Variants in CSMD2 observed in about 807,000 individuals in gnomAD.
The protein encoded by CSMD2 is CUB and sushi domain-containing protein 2.
A neutral mutation model predicts 398.5 loss-of-function variants in CSMD2; 130 were observed. That is an observed-to-expected ratio of 0.33 (90% CI 0.28 to 0.38). The LOEUF is 0.38. CSMD2 is among the 10% of genes least tolerant of loss of function. CSMD2 has a pLI of 1.00. For synonymous variants in CSMD2, 1,828 were observed against 1,908.5 expected, an observed-to-expected ratio of 0.96 and a Z score of 1.10; for missense variants, 3,829 against 4,764.9, an observed-to-expected ratio of 0.80 and a Z score of 5.78.
At chr1:33,779,503 C>T (rs1165455159) in intron 12 of CSMD2, among the ~76,000 whole-genome samples, 1 of 152,192 alleles carries the variant, frequency 6.6e-6, no homozygotes, top group African/African-American at 2.4e-5. Context: ...CAGTGACTAA[C>T]CATATTTCCT....
intron 2 of CSMD2, among the ~76,000 whole-genome samples, chr1:34,072,863 C>T (rs904525587): frequency 3.9e-5 from 6 of 152,102 alleles, no homozygotes; most frequent in Admixed American, 2.6e-4. Flanking sequence ...CATGGCTGCC[C>T]CATGGGGTCA....
intron 1 of CSMD2, among the ~76,000 whole-genome samples, chr1:34,089,503 G>A (rs1658308697): frequency 6.6e-6 from 1 of 152,168 alleles, no homozygotes; most frequent in South Asian, 2.1e-4. Flanking sequence ...GCTGAACTCA[G>A]ACTTCCCCTC....
chr1:33,844,581 A>G (rs781351534), intron 6 of CSMD2, among the ~76,000 whole-genome samples: 4 of 152,244 alleles, frequency 2.6e-5, no homozygotes, highest in Non-Finnish European at 5.9e-5. Context: ...ATTTATTAAC[A>G]GAATCACAAT....
intron 44 of CSMD2, among the ~76,000 whole-genome samples, chr1:33,595,558 C>A (rs538534997): frequency 1.3e-5 from 2 of 152,218 alleles, no homozygotes; most frequent in South Asian, 4.1e-4. Context: ...TTAATGTCTG[C>A]GTGGATATAC....
intron 5 of CSMD2, among the ~76,000 whole-genome samples, chr1:33,904,797 C>T (rs1642983649): frequency 6.6e-6 from 1 of 152,126 alleles, no homozygotes; most frequent in Admixed American, 6.5e-5. Context: ...CAGTCGCCCA[C>T]CACCATACCC....
intron 58 of CSMD2, among the ~76,000 whole-genome samples, chr1:33,541,718 C>G (rs1368277078): frequency 6.6e-6 from 1 of 152,196 alleles, no homozygotes; most frequent in South Asian, 2.1e-4. Context: ...GCAACTTGGG[C>G]TATGAAGATT....
chr1:34,138,552 A>G (rs1030805989), intron 1 of CSMD2, among the ~76,000 whole-genome samples: 6 of 152,242 alleles, frequency 3.9e-5, no homozygotes, highest in Non-Finnish European at 7.3e-5. Context: ...ACGGTTGGCC[A>G]CTTATTTCAT....
At chr1:33,992,672 T>A (rs1402159118) in intron 3 of CSMD2, among the ~76,000 whole-genome samples, 3 of 150,732 alleles carry the variant, frequency 2.0e-5, no homozygotes, top group Non-Finnish European at 3.0e-5. Flanking sequence ...ATCGAGACCA[T>A]CCTGGCTAGC....
At chr1:34,022,276 A>G (rs1649001224) in intron 3 of CSMD2, among the ~76,000 whole-genome samples, 1 of 152,124 alleles carries the variant, frequency 6.6e-6, no homozygotes, top group African/African-American at 2.4e-5. Context: ...GTGTTACCCC[A>G]TTTCTTCCCT....
At chr1:33,933,885 G>C (rs141370617) in intron 4 of CSMD2, among the ~76,000 whole-genome samples, 71 of 152,170 alleles carry the variant, frequency 4.7e-4, no homozygotes, top group African/African-American at 1.5e-3. Context: ...GTTGAGGAGA[G>C]GTAAACAAAG....
chr1:33,551,492 A>G (rs537279657), intron 55 of CSMD2, among the ~76,000 whole-genome samples: 1 of 152,348 alleles, frequency 6.6e-6, no homozygotes, highest in Non-Finnish European at 1.5e-5. Context: ...ATACCCAGAA[A>G]GCCCACAGGG....
At chr1:33,532,601 G>A (rs1655349056) in intron 64 of CSMD2, among the ~76,000 whole-genome samples, 1 of 152,138 alleles carries the variant, frequency 6.6e-6, no homozygotes, top group Non-Finnish European at 1.5e-5. Context: ...TTTCCCCTCT[G>A]AATCCCTCAT....
intron 2 of CSMD2, among the ~76,000 whole-genome samples, chr1:34,083,878 C>T (rs1657549908): frequency 2.0e-5 from 3 of 152,020 alleles, no homozygotes; most frequent in African/African-American, 7.3e-5. Flanking sequence ...GAGATTGCAC[C>T]ACTGCTCTCC....
chr1:33,866,031 C>T (rs1640007780), intron 5 of CSMD2, among the ~76,000 whole-genome samples: 1 of 152,192 alleles, frequency 6.6e-6, no homozygotes, highest in Non-Finnish European at 1.5e-5. Context: ...TGCAACAGAT[C>T]TCCCTAACTC....
chr1:34,027,650 T>C (rs901200282), intron 3 of CSMD2, among the ~76,000 whole-genome samples: 3 of 152,246 alleles, frequency 2.0e-5, no homozygotes, highest in Non-Finnish European at 2.9e-5. Flanking sequence ...TCCTCAGTGA[T>C]GTTCATTAGA....
At chr1:33,671,914 AAAAC>A (rs1557705826) in intron 25 of CSMD2, among the ~76,000 whole-genome samples, 1 of 152,234 alleles carries the variant, frequency 6.6e-6, no homozygotes, top group East Asian at 1.9e-4. Context: ...AACAAAAACA[AAAAC>A]AAACAAACAA....
At chr1:33,892,882 T>A (rs1440740911) in intron 5 of CSMD2, among the ~76,000 whole-genome samples, 1 of 152,218 alleles carries the variant, frequency 6.6e-6, no homozygotes, top group Non-Finnish European at 1.5e-5. Flanking sequence ...AAGCAGAAAG[T>A]GAGGCTGGGC....
At chr1:33,907,705 C>G (rs1643188670) in intron 5 of CSMD2, among the ~76,000 whole-genome samples, 1 of 152,160 alleles carries the variant, frequency 6.6e-6, no homozygotes, top group African/African-American at 2.4e-5. Context: ...TTGAGTTTCA[C>G]CATATGTGAA....
At chr1:34,127,650 G>A (rs1054219717) in intron 1 of CSMD2, among the ~76,000 whole-genome samples, 3 of 152,158 alleles carry the variant, frequency 2.0e-5, no homozygotes, top group Admixed American at 6.5e-5. Flanking sequence ...GCCACTCTTA[G>A]GATTAGGACA....
Sources: allele counts gnomAD v4.1 joint callset (sites outside exome capture counted in the v4.1 genomes callset), GRCh38; gene constraint gnomAD v4.1.1; transcripts MANE v1.5; gene names NCBI Gene and HGNC (gene_info 2026-07-23, HGNC 2026-07-21).